GPC6: variants seen among roughly 807,000 people sequenced by gnomAD.
GPC6 encodes glypican-6.
A neutral mutation model predicts 55.2 loss-of-function variants in GPC6; 14 were observed. The ratio of observed to expected loss-of-function variants is 0.25; its 90% CI spans 0.17 to 0.40. The LOEUF is 0.40. GPC6 is among the 10% of genes least tolerant of loss of function. The pLI is 1.00. For missense variants in GPC6, 641 were observed against 708.5 expected (o/e 0.90, Z 1.08); for synonymous variants, 278 against 259.6 (o/e 1.07, Z -0.68).
intron 4 of GPC6, among the ~76,000 whole-genome samples, chr13:94,154,866 C>CT (rs1390835522): frequency 6.6e-6 from 1 of 152,184 alleles, no homozygotes; most frequent in Non-Finnish European, 1.5e-5. Flanking sequence ...TATGTATCTT[C>CT]TGCACCCAAT....
intron 6 of GPC6, among the ~76,000 whole-genome samples, chr13:94,317,611 G>C (rs1376890341): frequency 2.0e-5 from 3 of 152,262 alleles, no homozygotes; most frequent in Middle Eastern, 3.4e-3. Context: ...TATTTCATTA[G>C]GATTTTAATG....
At chr13:93,571,276 C>T (rs1340365403) in intron 2 of GPC6, among the ~76,000 whole-genome samples, 1 of 152,136 alleles carries the variant, frequency 6.6e-6, no homozygotes, top group Non-Finnish European at 1.5e-5. Flanking sequence ...CATACATGCA[C>T]ACTACTTAAG....
At chr13:93,688,184 G>A (rs1269010476) in intron 2 of GPC6, among the ~76,000 whole-genome samples, 1 of 152,046 alleles carries the variant, frequency 6.6e-6, no homozygotes, top group East Asian at 1.9e-4. Context: ...GAGAGAGGAT[G>A]TATAAGATAG....
chr13:93,811,797 A>G (rs1886701642), intron 2 of GPC6, among the ~76,000 whole-genome samples: 1 of 152,162 alleles, frequency 6.6e-6, no homozygotes. Context: ...AAATATGTGT[A>G]AGGAAACAAA....
intron 4 of GPC6, among the ~76,000 whole-genome samples, chr13:94,034,029 C>T (rs1223195464): frequency 6.6e-6 from 1 of 152,134 alleles, no homozygotes; most frequent in Non-Finnish European, 1.5e-5. Flanking sequence ...AAACAAAGAA[C>T]ACTGTTTTCT....
At chr13:93,275,161 T>A (rs1877685550) in intron 1 of GPC6, among the ~76,000 whole-genome samples, 1 of 152,204 alleles carries the variant, frequency 6.6e-6, no homozygotes, top group South Asian at 2.1e-4. Flanking sequence ...TGCAAACAGA[T>A]GCTGTAACTC....
chr13:93,776,447 ACT>A (rs925577402), intron 2 of GPC6, among the ~76,000 whole-genome samples: 6 of 151,910 alleles, frequency 3.9e-5, no homozygotes, highest in African/African-American at 1.5e-4. Context: ...TTGAACCCAC[ACT>A]CTCTTTTTCC....
At chr13:93,613,530 A>AACACACACACACAC (rs10573990) in intron 2 of GPC6, among the ~76,000 whole-genome samples, 1 of 139,912 alleles carries the variant, frequency 7.1e-6, no homozygotes, top group East Asian at 2.0e-4. Context: ...ACACACACAA[A>AACACACACACACAC]ACACACACAC....
intron 1 of GPC6, among the ~76,000 whole-genome samples, chr13:93,373,918 A>C (rs1241186944): frequency 6.6e-6 from 1 of 152,200 alleles, no homozygotes; most frequent in Non-Finnish European, 1.5e-5. Context: ...TTTATCTAGT[A>C]CTTTGCAGTT....
intron 4 of GPC6, among the ~76,000 whole-genome samples, chr13:94,137,074 A>G (rs1157318520): frequency 6.6e-6 from 1 of 152,242 alleles, no homozygotes; most frequent in African/African-American, 2.4e-5. Flanking sequence ...CAATAAAATT[A>G]ATAGGTGGCA....
At chr13:94,196,620 T>C (rs1639482522) in intron 4 of GPC6, among the ~76,000 whole-genome samples, 2 of 152,144 alleles carry the variant, frequency 1.3e-5, no homozygotes, top group South Asian at 4.1e-4. Flanking sequence ...CTGTTTGAGT[T>C]GAAACTAACA....
chr13:93,227,428 T>C lies in GPC6; in HGVS notation c.-29T>C. The C allele has an allele frequency of 6.2e-7, 1 of 1,611,684 alleles. No homozygotes were observed. Among genetic ancestry groups the C allele is most frequent in the East Asian group, 2.2e-5 (1 of 44,734 alleles). On this transcript the variant is annotated 5_prime_UTR_variant, in exon 1 of 9. Transcript: ENST00000377047. The surrounding 1 kb of genome is among the most constrained non-coding windows in gnomAD (Gnocchi z 4.3). ...GGTGAAGAGCGCACCGGCCGTGGGG[T>C]TTACCGAGCTGGATTTGTATGTTGC... is the stretch of plus-strand genomic sequence containing the variant.
intron 1 of GPC6, among the ~76,000 whole-genome samples, chr13:93,431,065 C>T (rs933087934): frequency 6.6e-6 from 1 of 152,096 alleles, no homozygotes; most frequent in Non-Finnish European, 1.5e-5. Flanking sequence ...TAAAATAAGA[C>T]ATAACAATCT....
intron 2 of GPC6, among the ~76,000 whole-genome samples, chr13:93,662,597 T>A (rs1880970199): frequency 6.6e-6 from 1 of 151,922 alleles, no homozygotes; most frequent in Admixed American, 6.6e-5. Context: ...GCCATTGCAC[T>A]CAAGCCTGGG....
chr13:93,543,011 T>G (rs62531923), intron 1 of GPC6, among the ~76,000 whole-genome samples: 2 of 152,166 alleles, frequency 1.3e-5, no homozygotes, highest in East Asian at 3.9e-4. Context: ...TTGAATACAT[T>G]TTATTTCCTT....
At chr13:93,247,312 T>C (rs1445799595) in intron 1 of GPC6, among the ~76,000 whole-genome samples, 1 of 152,184 alleles carries the variant, frequency 6.6e-6, no homozygotes, top group South Asian at 2.1e-4. Flanking sequence ...GAGTTTAGGA[T>C]TGCTATTTTG....
intron 3 of GPC6, among the ~76,000 whole-genome samples, chr13:93,913,542 G>A (rs1479545566): frequency 2.0e-5 from 3 of 151,968 alleles, no homozygotes; most frequent in African/African-American, 7.3e-5. Flanking sequence ...TTTAAATTTA[G>A]CCATTTTCTC....
chr13:93,454,003 T>C (rs928320402), intron 1 of GPC6, among the ~76,000 whole-genome samples: 1 of 152,126 alleles, frequency 6.6e-6, no homozygotes, highest in Non-Finnish European at 1.5e-5. Flanking sequence ...CGCTGATTGG[T>C]GCATTTACAA....
intron 4 of GPC6, among the ~76,000 whole-genome samples, chr13:94,113,196 C>A (rs1432013542): frequency 6.6e-6 from 1 of 152,066 alleles, no homozygotes; most frequent in East Asian, 1.9e-4. Context: ...TTATAAACTC[C>A]ACGTGACAGA....
Sources: allele counts gnomAD v4.1 joint callset (sites outside exome capture counted in the v4.1 genomes callset), GRCh38; gene constraint gnomAD v4.1.1; non-coding constraint Gnocchi (gnomAD v3.1); transcripts MANE v1.5; gene names NCBI Gene and HGNC (gene_info 2026-07-23, HGNC 2026-07-21).